FGF14: variants seen among roughly 807,000 people sequenced by gnomAD.
FGF14 encodes the protein fibroblast growth factor homologous factor 4.
In FGF14, 5 loss-of-function variants were observed where a neutral mutation model predicts 25.5. The observed-to-expected ratio is 0.20, with a 90% CI of 0.10 to 0.41. The LOEUF is 0.41. Ranked by LOEUF, FGF14 falls within the 10% of genes least tolerant of loss-of-function variation. The probability of loss-of-function intolerance (pLI) is 1.00; values close to 1 mark genes in which losing one functional copy is unlikely to be tolerated. For missense variants in FGF14, 222 were observed against 320.1 expected, an observed-to-expected ratio of 0.69 and a Z score of 2.34; for synonymous variants, 138 against 118.3, an observed-to-expected ratio of 1.17 and a Z score of -1.08.
At chr13:102,284,592 C>G (rs1260788136) in intron 1 of FGF14, among the ~76,000 whole-genome samples, 1 of 151,890 alleles carries the variant, frequency 6.6e-6, no homozygotes, top group African/African-American at 2.4e-5. Context: ...AAGAAATTTA[C>G]AATATTAATT....
At chr13:102,053,331 G>A (rs1207084524) in intron 1 of FGF14, among the ~76,000 whole-genome samples, 1 of 152,084 alleles carries the variant, frequency 6.6e-6, no homozygotes, top group East Asian at 1.9e-4. Context: ...CACCTTTAAG[G>A]AAACACATGG....
intron 1 of FGF14, among the ~76,000 whole-genome samples, chr13:102,306,484 T>C (rs1017052533): frequency 6.6e-6 from 1 of 151,986 alleles, no homozygotes; most frequent in Admixed American, 6.6e-5. Context: ...GAACAGAGCA[T>C]TACAGAAAAA....
Position 101,991,895 on chromosome 13 carries a change from AGAAGGACAAAGTGACCTTTTT to A in FGF14, c.209-116620_209-116600del, listed in dbSNP as rs756802469. The stretch of plus-strand genomic sequence containing the variant: ...CCCCTCATGTTTCCTTCACGCAGGG[AGAAGGACAAAGTGACCTTTTT>A]GAAATATGTCCCCAAGGCCAGCTAT... On this transcript the variant is annotated intron_variant, in intron 1 of 4. Transcript: ENST00000376131. Among the ~76,000 whole-genome samples, 96 of 152,210 alleles carry A rather than the reference AGAAGGACAAAGTGACCTTTTT, an allele frequency of 6.3e-4. 1 individual carries two copies. Among genetic ancestry groups the A allele is most frequent in the Non-Finnish European group, 9.7e-4 (66 of 67,978 alleles).
chr13:102,138,054 C>T (rs971660693), intron 1 of FGF14, among the ~76,000 whole-genome samples: 22 of 151,090 alleles, frequency 1.5e-4, no homozygotes, highest in Admixed American at 1.3e-3. Context: ...TCTCCTCCAT[C>T]GCCCTGGCCT....
chr13:102,102,581 A>T (rs1439165529), intron 1 of FGF14, among the ~76,000 whole-genome samples: 1 of 152,218 alleles, frequency 6.6e-6, no homozygotes, highest in African/African-American at 2.4e-5. Context: ...CTGAACATCC[A>T]TCAAGACTCC....
intron 2 of FGF14, 50 bp from the exon 3 acceptor site, chr13:101,868,878 A>G: frequency 8.3e-7 from 1 of 1,208,742 alleles, no homozygotes; most frequent in East Asian, 2.3e-5. Flanking sequence ...GAAGCAGGGC[A>G]GAGTGTAATT....
At chr13:102,085,483 G>A (rs1417563326) in intron 1 of FGF14, among the ~76,000 whole-genome samples, 1 of 152,186 alleles carries the variant, frequency 6.6e-6, no homozygotes, top group African/African-American at 2.4e-5. Flanking sequence ...AACAATGGGA[G>A]TGATGTCAAA....
intron 1 of FGF14, among the ~76,000 whole-genome samples, chr13:102,099,813 AAAT>A (rs1371090537): frequency 6.6e-6 from 1 of 152,122 alleles, no homozygotes; most frequent in African/African-American, 2.4e-5. Flanking sequence ...AATATTAATA[AAAT>A]AATAATGACT....
At chr13:101,950,862 C>T (rs975018492) in intron 1 of FGF14, among the ~76,000 whole-genome samples, 3 of 127,172 alleles carry the variant, frequency 2.4e-5, no homozygotes, top group Non-Finnish European at 5.4e-5. Context: ...TAAAAAATGG[C>T]AAGATACCAC....
chr13:101,808,272 TTCTCTA>T (rs2041310056), intron 3 of FGF14, among the ~76,000 whole-genome samples: 1 of 152,044 alleles, frequency 6.6e-6, no homozygotes, highest in Non-Finnish European at 1.5e-5. Context: ...AGAGATAGCT[TTCTCTA>T]TCTCTCATCC....
intron 1 of FGF14, among the ~76,000 whole-genome samples, chr13:102,393,029 G>C (rs753686584): frequency 6.6e-6 from 1 of 152,074 alleles, no homozygotes; most frequent in Non-Finnish European, 1.5e-5. Context: ...TGATATTCTC[G>C]GTCTGCACCA....
intron 1 of FGF14, among the ~76,000 whole-genome samples, chr13:102,041,583 T>TAAAAAAAAA (rs11430268): frequency 2.1e-5 from 3 of 141,944 alleles, no homozygotes; most frequent in African/African-American, 7.9e-5. Context: ...TGTTTCCATG[T>TAAAAAAAAA]AAAAAAAAAA....
intron 1 of FGF14, among the ~76,000 whole-genome samples, chr13:102,240,919 G>A (rs557913617): frequency 1.5e-4 from 23 of 152,072 alleles, no homozygotes; most frequent in Non-Finnish European, 2.9e-4. Context: ...AACATGAAAA[G>A]TGCTTCTTCA....
At chr13:101,936,518 AAC>A (rs914888178) in intron 1 of FGF14, among the ~76,000 whole-genome samples, 4 of 152,320 alleles carry the variant, frequency 2.6e-5, no homozygotes, top group Admixed American at 6.5e-5. Context: ...TGGATAGGAA[AAC>A]ACAGGCATTT....
At chr13:102,030,543 T>C (rs1223270385) in intron 1 of FGF14, among the ~76,000 whole-genome samples, 1 of 152,038 alleles carries the variant, frequency 6.6e-6, no homozygotes, top group African/African-American at 2.4e-5. Context: ...AAGATTTGCA[T>C]AAACATCATG....
intron 1 of FGF14, among the ~76,000 whole-genome samples, chr13:102,167,157 C>G (rs1389333420): frequency 1.3e-5 from 2 of 151,688 alleles, no homozygotes; most frequent in Non-Finnish European, 2.9e-5. Context: ...AAGGCTTTCA[C>G]AAACTAAAAA....
intron 1 of FGF14, among the ~76,000 whole-genome samples, chr13:102,096,777 A>G (rs7985339): frequency 0.013 from 1,614 of 124,008 alleles, 30 homozygotes; most frequent in African/African-American, 0.038. Flanking sequence ...AAATACAACT[A>G]ACCAGGAAAC....
chr13:101,773,951 T>C (rs1385306927), intron 3 of FGF14, among the ~76,000 whole-genome samples: 2 of 151,056 alleles, frequency 1.3e-5, no homozygotes, highest in African/African-American at 4.9e-5. Flanking sequence ...AAGCATACAG[T>C]AGACACTCCA....
intron 1 of FGF14, among the ~76,000 whole-genome samples, chr13:101,934,496 T>C (rs866956462): frequency 6.6e-6 from 1 of 152,214 alleles, no homozygotes; most frequent in Non-Finnish European, 1.5e-5. Context: ...CTGGAAATAT[T>C]ATTTGCCTTG....
Sources: allele counts gnomAD v4.1 joint callset (sites outside exome capture counted in the v4.1 genomes callset), GRCh38; gene constraint gnomAD v4.1.1; transcripts MANE v1.5; gene names NCBI Gene and HGNC (gene_info 2026-07-23, HGNC 2026-07-21).